SLC4A10: variants seen among roughly 807,000 people sequenced by gnomAD.
SLC4A10 encodes sodium-driven chloride bicarbonate exchanger.
SLC4A10 carries 42 observed loss-of-function variants against 137.7 expected under a neutral mutation model. The ratio of observed to expected loss-of-function variants is 0.30; its 90% CI spans 0.24 to 0.39. The LOEUF is 0.39. Among genes scored for constraint, SLC4A10 ranks in the 10% least tolerant of loss-of-function variants. SLC4A10 has a pLI of 1.00. For synonymous variants in SLC4A10, 474 were observed against 464.1 expected, an observed-to-expected ratio of 1.02 and a Z score of -0.27; for missense variants, 925 against 1,355.0, an observed-to-expected ratio of 0.68 and a Z score of 4.98.
chr2:161,866,394 C>T (rs79436920), intron 6 of SLC4A10, among the ~76,000 whole-genome samples: 10 of 151,972 alleles, frequency 6.6e-5, no homozygotes, highest in African/African-American at 1.9e-4. Context: ...CACTAGTTCA[C>T]TCGTTTGAAT....
intron 23 of SLC4A10, among the ~76,000 whole-genome samples, chr2:161,973,730 T>C (rs182872400): frequency 5.9e-5 from 9 of 152,284 alleles, no homozygotes; most frequent in African/African-American, 2.2e-4. Context: ...GGAAACTTGT[T>C]AGAACTGGAA....
rs184985412 is a variant in SLC4A10 at position 161,710,418 on chromosome 2, T to A, written c.49-60555T>A. Among the ~76,000 whole-genome samples, 37 of 151,824 alleles carry A rather than the reference T, an allele frequency of 2.4e-4. No individual in the cohort carries two copies. The East Asian group carries it at 7.0e-3, about 29-fold the overall frequency. On this transcript the variant is annotated intron_variant, in intron 1 of 26. Coordinates refer to ENST00000446997, the MANE Select transcript of SLC4A10 (RefSeq NM_001178015.2). ...AGAACCAAACTGTAAAGATTTTTAG[T>A]TACTTTCTGTTAGTGGCATTTAAAT...
intron 6 of SLC4A10, among the ~76,000 whole-genome samples, chr2:161,865,165 A>C (rs1371103297): frequency 6.6e-6 from 1 of 150,674 alleles, no homozygotes; most frequent in South Asian, 2.1e-4. Flanking sequence ...ATTTCATTGC[A>C]TTTTTTTTTC....
intron 23 of SLC4A10, among the ~76,000 whole-genome samples, chr2:161,968,286 G>A (rs1697947986): frequency 6.6e-6 from 1 of 152,138 alleles, no homozygotes; most frequent in Admixed American, 6.5e-5. Context: ...ATGTGTGTGT[G>A]CCATATGCCC....
At chr2:161,974,117 C>T in intron 23 of SLC4A10, 132 bp from the exon 24 acceptor site, 1 of 638,216 alleles carries the variant, frequency 1.6e-6, no homozygotes, top group Non-Finnish European at 2.6e-6. Context: ...CCTGTGCTAA[C>T]ATTAATAAAT....
At chr2:161,678,469 C>A (rs947096372) in intron 1 of SLC4A10, among the ~76,000 whole-genome samples, 1 of 152,114 alleles carries the variant, frequency 6.6e-6, no homozygotes, top group Non-Finnish European at 1.5e-5. Flanking sequence ...ATTTTAAAAA[C>A]TCTTATTGAG....
chr2:161,823,341 G>A (rs1361848287), intron 3 of SLC4A10, among the ~76,000 whole-genome samples: 1 of 152,194 alleles, frequency 6.6e-6, no homozygotes, highest in African/African-American at 2.4e-5. Flanking sequence ...ACTTGCTGTT[G>A]CTATTGTGTG....
At position 161,770,963 on chromosome 2, in the gene SLC4A10, C is replaced by T. The variant is rs2051515491; in HGVS notation, c.49-10C>T. On this transcript the variant is annotated splice_polypyrimidine_tract_variant and intron_variant, in intron 1 of 26. Coordinates refer to ENST00000446997, the MANE Select transcript of SLC4A10 (RefSeq NM_001178015.2). ...GTTATCATTTAATCTTCCTTATCCT[C>T]ATTTAACAGAGAAATGATGAAGAAG... is the stretch of plus-strand genomic sequence containing the variant. 1.3e-6 allele frequency: 2 copies of T among 1,590,908 alleles called. No individual in the cohort carries two copies. The highest frequency in any genetic ancestry group is 2.3e-5 in the South Asian group (2 of 88,616).
chr2:161,872,934 G>C (rs748826873), intron 7 of SLC4A10, among the ~76,000 whole-genome samples: 6 of 152,004 alleles, frequency 3.9e-5, no homozygotes, highest in Admixed American at 1.3e-4. Flanking sequence ...GGCTGGTCTC[G>C]AACTCCTGAC....
At chr2:161,979,684 T>C (rs1699937771) in intron 26 of SLC4A10, among the ~76,000 whole-genome samples, 5 of 152,160 alleles carry the variant, frequency 3.3e-5, no homozygotes. Flanking sequence ...CTTTAAAGCA[T>C]CATGACCAGG....
chr2:161,730,549 T>C (rs1028164025), intron 1 of SLC4A10, among the ~76,000 whole-genome samples: 1 of 152,194 alleles, frequency 6.6e-6, no homozygotes, highest in East Asian at 1.9e-4. Context: ...ATTCTAACAA[T>C]ATTTCTGAAT....
chr2:161,865,806 G>T (rs1240076333), intron 6 of SLC4A10, among the ~76,000 whole-genome samples: 1 of 151,940 alleles, frequency 6.6e-6, no homozygotes, highest in African/African-American at 2.4e-5. Flanking sequence ...AGCCGTAAAT[G>T]TAAATTGGAA....
rs139334539 is a variant in SLC4A10, at chr2:161,849,908, A to G, written c.417-5062A>G. On this transcript the variant is annotated intron_variant, in intron 4 of 26. Transcript: ENST00000446997. The stretch of plus-strand genomic sequence containing the variant: ...TTAGTATGAGAATGATGCTGGCCTC[A>G]TAGAATGAATTGGACAGGAGCCCCT... Among the ~76,000 whole-genome samples the G allele has an allele frequency of 4.7e-3, 709 of 152,232 alleles. 5 individuals are homozygous for G. The highest frequency in any genetic ancestry group is 0.016 in the African/African-American group (667 of 41,540).
At chr2:161,897,713 A>G (rs1913814) in intron 11 of SLC4A10, among the ~76,000 whole-genome samples, 47,008 of 152,008 alleles carry the variant, frequency 0.31, 7,591 homozygotes, top group Admixed American at 0.39. Context: ...CTAATAATTA[A>G]TTGTAGGGTT....
chr2:161,848,985 T>C (rs180825036), intron 4 of SLC4A10, among the ~76,000 whole-genome samples: 2 of 152,336 alleles, frequency 1.3e-5, no homozygotes, highest in South Asian at 2.1e-4. Context: ...AATCTGTAAA[T>C]TGCTTTGGGC....
At chr2:161,950,580 C>A (rs1192255459) in intron 18 of SLC4A10, 107 bp from the exon 19 acceptor site, 2 of 968,742 alleles carry the variant, frequency 2.1e-6, no homozygotes, top group South Asian at 1.7e-5. Context: ...GGCCACTCAG[C>A]TCCTCTGTTT....
chr2:161,911,184 A>T (rs1196167136), intron 15 of SLC4A10, among the ~76,000 whole-genome samples: 1 of 152,058 alleles, frequency 6.6e-6, no homozygotes, highest in Non-Finnish European at 1.5e-5. Flanking sequence ...CTTGTTCGCT[A>T]AGTAAAGAAA....
At chr2:161,867,552 G>A (rs922148268) in intron 6 of SLC4A10, among the ~76,000 whole-genome samples, 1 of 151,992 alleles carries the variant, frequency 6.6e-6, no homozygotes, top group Non-Finnish European at 1.5e-5. Context: ...CTGCCCAGAG[G>A]CTATATTGTC....
chr2:161,890,244 C>T (rs745625755), intron 10 of SLC4A10, among the ~76,000 whole-genome samples: 3 of 152,090 alleles, frequency 2.0e-5, no homozygotes, highest in Non-Finnish European at 4.4e-5. Context: ...CGATGCGGTG[C>T]TGAGAAGAAT....
Sources: allele counts gnomAD v4.1 joint callset (sites outside exome capture counted in the v4.1 genomes callset), GRCh38; gene constraint gnomAD v4.1.1; transcripts MANE v1.5; gene names NCBI Gene and HGNC (gene_info 2026-07-23, HGNC 2026-07-21).